Variants in VAV2 observed in about 807,000 individuals in gnomAD.
VAV2 encodes the protein vav guanine nucleotide exchange factor 2, also known as guanine nucleotide exchange factor VAV2.
In VAV2, 67 loss-of-function variants were observed where a neutral mutation model predicts 132.5. That is an observed-to-expected ratio of 0.51 (90% confidence interval 0.42 to 0.62). VAV2 has a LOEUF of 0.62. Among genes scored for constraint, VAV2 ranks in the 20% least tolerant of loss-of-function variants. VAV2 has a pLI of 0.00. For synonymous variants in VAV2, 492 were observed against 443.5 expected (o/e 1.11, Z -1.37); for missense variants, 938 against 1,153.6 (o/e 0.81, Z 2.71).
chr9:133,777,022 CT>C (rs927751193), intron 23 of VAV2, among the ~76,000 whole-genome samples: 2 of 152,144 alleles, frequency 1.3e-5, no homozygotes, highest in Non-Finnish European at 2.9e-5. Context: ...TGAGGGGAGC[CT>C]TTTTTTCTCT....
rs909586385 is a variant in VAV2 at position 133,878,366 on chromosome 9, C to T, written c.322-16934G>A. On this transcript the variant is annotated intron_variant, in intron 2 of 29. Transcript: ENST00000371850. ...CTGTGTGTTTCTGAAAGGATCTGAC[C>T]GAACTGAGCACTAAGATTGTTCAGA... Among the ~76,000 whole-genome samples, 11 of 152,310 alleles carry T rather than the reference C, an allele frequency of 7.2e-5. No individual in the cohort carries two copies. The South Asian group carries it at 1.2e-3, about 17-fold the overall frequency.
intron 2 of VAV2, among the ~76,000 whole-genome samples, chr9:133,870,025 T>C (rs1361370253): frequency 6.6e-6 from 1 of 152,214 alleles, no homozygotes; most frequent in Non-Finnish European, 1.5e-5. Flanking sequence ...TTTTTTCTTG[T>C]GGAAAGCACG....
chr9:133,946,918 C>T (rs1564489745), intron 1 of VAV2, among the ~76,000 whole-genome samples: 1 of 152,186 alleles, frequency 6.6e-6, no homozygotes, highest in Non-Finnish European at 1.5e-5. Context: ...GCCGTTTGCT[C>T]CCTCTGGGTC....
chr9:133,987,690 G>A (rs956706878), intron 1 of VAV2, among the ~76,000 whole-genome samples: 8 of 152,206 alleles, frequency 5.3e-5, no homozygotes, highest in Non-Finnish European at 1.0e-4. Context: ...GCTGGGCGGC[G>A]GGTGGTACCT....
At chr9:133,956,227 G>C (rs1056172143) in intron 1 of VAV2, among the ~76,000 whole-genome samples, 1 of 152,102 alleles carries the variant, frequency 6.6e-6, no homozygotes, top group African/African-American at 2.4e-5. Flanking sequence ...ATTAAAAACA[G>C]GTCTGCAAGT....
intron 22 of VAV2, 36 bp downstream of exon 22, chr9:133,778,726 C>G (rs755114111): frequency 6.2e-7 from 1 of 1,607,358 alleles, no homozygotes; most frequent in Non-Finnish European, 8.5e-7. Flanking sequence ...GAGCTGGAGC[C>G]GGGGACCCTC....
At chr9:133,892,318 G>A (rs897245928) in intron 2 of VAV2, among the ~76,000 whole-genome samples, 6 of 151,786 alleles carry the variant, frequency 4.0e-5, no homozygotes, top group African/African-American at 7.3e-5. Context: ...TGGTGCTTCC[G>A]CAGGGCTGCA....
chr9:133,772,091 C>G (rs372643451), intron 25 of VAV2, 45 bp from the exon 26 acceptor site: 2 of 1,518,922 alleles, frequency 1.3e-6, no homozygotes, highest in Non-Finnish European at 1.8e-6. Flanking sequence ...GAGGGCCACA[C>G]GGCCCCGGCC....
intron 29 of VAV2, among the ~76,000 whole-genome samples, chr9:133,765,033 T>C (rs1032021493): frequency 1.3e-5 from 2 of 152,188 alleles, no homozygotes; most frequent in Admixed American, 6.5e-5. Flanking sequence ...AAAAAGGAAC[T>C]AGGTCTCCTT....
At chr9:133,987,034 TATATTTATTTA>T (rs1315319823) in intron 1 of VAV2, among the ~76,000 whole-genome samples, 4 of 149,392 alleles carry the variant, frequency 2.7e-5, no homozygotes, top group Admixed American at 2.7e-4. Flanking sequence ...TTATTTATTA[TATATTTATTTA>T]TTTATTATTT....
At position 133,790,763 on chromosome 9, in the gene VAV2, C is replaced by T. The variant is rs930830165; in HGVS notation, c.1188+1020G>A. 6.6e-5 allele frequency among the ~76,000 whole-genome samples: 10 copies of T among 152,142 alleles called. 1 individual carries two copies. The South Asian group carries it at 1.2e-3, about 19-fold the overall frequency. ...TTTTTTTCTTTCATCGCCGACGTAT[C>T]GCAGGTGCTTTTCCGTGCCCCACGT... On this transcript the variant is annotated intron_variant, in intron 13 of 29. Transcript: ENST00000371850.
chr9:133,922,134 C>T (rs3780762), intron 2 of VAV2, among the ~76,000 whole-genome samples: 19,318 of 152,246 alleles, frequency 0.13, 1,759 homozygotes, highest in African/African-American at 0.25. Context: ...CAGGTGGCAG[C>T]GGGAAGCTTC....
chr9:133,841,875 G>A (rs892120515), intron 3 of VAV2, among the ~76,000 whole-genome samples: 4 of 152,086 alleles, frequency 2.6e-5, no homozygotes, highest in Non-Finnish European at 5.9e-5. Context: ...CTCCCCTTCC[G>A]CTTTCCACCA....
rs1477912393 is a variant in VAV2, at chr9:133,912,690, C to G, written c.321+26413G>C. ...GCTCCCAAGCTGTCAGGCAGCCATCCTCAGGGGCTGCAGTCACCGGTGGTT... is the reference window on the plus strand; with the variant it reads ...GCTCCCAAGCTGTCAGGCAGCCATCGTCAGGGGCTGCAGTCACCGGTGGTT... On this transcript the variant is annotated intron_variant, in intron 2 of 29. Coordinates refer to ENST00000371850, the MANE Select transcript of VAV2 (RefSeq NM_001134398.2). The surrounding 1 kb of genome is among the most constrained non-coding windows in gnomAD (Gnocchi z 4.3). Among the ~76,000 whole-genome samples the G allele has an allele frequency of 1.3e-5, 2 of 152,184 alleles. No individual in the cohort carries two copies. Among genetic ancestry groups the G allele is most frequent in the Non-Finnish European group, 2.9e-5 (2 of 68,040 alleles).
chr9:133,881,968 A>G (rs7869522), intron 2 of VAV2, among the ~76,000 whole-genome samples: 31,758 of 152,118 alleles, frequency 0.21, 4,116 homozygotes, highest in African/African-American at 0.37. Context: ...GTGCCCAGCG[A>G]GTGTGCGGGG....
intron 1 of VAV2, among the ~76,000 whole-genome samples, chr9:133,962,012 C>T (rs976112317): frequency 2.0e-5 from 3 of 152,168 alleles, no homozygotes; most frequent in Non-Finnish European, 4.4e-5. Flanking sequence ...ACCATCCCCA[C>T]CTTGATGGCC....
intron 3 of VAV2, among the ~76,000 whole-genome samples, chr9:133,841,623 G>GGAGA (rs1419660633): frequency 2.0e-5 from 3 of 152,150 alleles, no homozygotes; most frequent in Admixed American, 6.5e-5. Context: ...ATAACATCAG[G>GGAGA]GAGAAGCCAC....
At position 133,799,448 on chromosome 9, in the gene VAV2, G is replaced by A. The variant is rs376439876; in HGVS notation, c.837-1639C>T. Among the ~76,000 whole-genome samples, 159 of 152,308 alleles carry A rather than the reference G, an allele frequency of 1.0e-3. 1 individual carries two copies. Among genetic ancestry groups the A allele is most frequent in the Middle Eastern group, 6.8e-3 (2 of 294 alleles). Reference sequence around the variant, plus strand: ...CTGACAGTCCACGACTCTGATAAAGGACCTGAATCTGCTCGAAGCTCACCT... The same window carrying A: ...CTGACAGTCCACGACTCTGATAAAGAACCTGAATCTGCTCGAAGCTCACCT... On this transcript the variant is annotated intron_variant, in intron 9 of 29. Coordinates refer to ENST00000371850, the MANE Select transcript of VAV2 (RefSeq NM_001134398.2).
intron 2 of VAV2, among the ~76,000 whole-genome samples, chr9:133,933,925 G>A (rs141237830): frequency 3.5e-4 from 18 of 51,998 alleles, no homozygotes; most frequent in African/African-American, 7.1e-4. Context: ...TGGATGATGG[G>A]TGAATGGATG....
Sources: allele counts gnomAD v4.1 joint callset (sites outside exome capture counted in the v4.1 genomes callset), GRCh38; gene constraint gnomAD v4.1.1; non-coding constraint Gnocchi (gnomAD v3.1); transcripts MANE v1.5; gene names NCBI Gene and HGNC (gene_info 2026-07-23, HGNC 2026-07-21).